EYS: variants seen among roughly 807,000 people sequenced by gnomAD.
EYS encodes protein eyes shut homolog.
Under a neutral mutation model 282.1 loss-of-function variants are expected in EYS, and 250 were observed. The observed-to-expected ratio is 0.89, with a 90% CI of 0.80 to 0.98. The LOEUF (loss-of-function observed/expected upper bound fraction) is 0.98, where lower values mean the gene tolerates loss of function less well. Ranked by LOEUF, EYS falls within the 50% of genes least tolerant of loss-of-function variation. The pLI is 0.00. For missense variants in EYS, 4,016 were observed against 3,709.0 expected (o/e 1.08, Z -2.15); for synonymous variants, 1,355 against 1,282.9 (o/e 1.06, Z -1.20).
chr6:64,600,488 A>G (rs1766730082), intron 24 of EYS, among the ~76,000 whole-genome samples: 1 of 152,186 alleles, frequency 6.6e-6, no homozygotes, highest in South Asian at 2.1e-4. Context: ...CAAAACATGT[A>G]ATATTGAGAT....
At chr6:65,431,309 T>C (rs935825930) in intron 5 of EYS, among the ~76,000 whole-genome samples, 3 of 152,160 alleles carry the variant, frequency 2.0e-5, no homozygotes, top group South Asian at 2.1e-4. Flanking sequence ...CTTGGGTTGG[T>C]ACTTCTCAAT....
At chr6:64,090,750 T>C (rs1332179033) in intron 31 of EYS, among the ~76,000 whole-genome samples, 1 of 152,098 alleles carries the variant, frequency 6.6e-6, no homozygotes, top group African/African-American at 2.4e-5. Context: ...TCCAAACTTC[T>C]TCCTTTGTTC....
chr6:64,107,857 T>G (rs1773084125), intron 31 of EYS, among the ~76,000 whole-genome samples: 1 of 152,088 alleles, frequency 6.6e-6, no homozygotes, highest in Non-Finnish European at 1.5e-5. Flanking sequence ...ATCTTTTGGA[T>G]AGCCGGTGTC....
chr6:65,447,330 G>A (rs370288861), intron 5 of EYS, among the ~76,000 whole-genome samples: 3 of 84,074 alleles, frequency 3.6e-5, no homozygotes, highest in Non-Finnish European at 5.3e-5. Context: ...ATATATGTGT[G>A]TGTATATATA....
intron 8 of EYS, among the ~76,000 whole-genome samples, chr6:65,366,793 AG>A (rs1259498297): frequency 3.3e-5 from 5 of 151,452 alleles, no homozygotes; most frequent in African/African-American, 9.7e-5. Context: ...GCAGGTTCTG[AG>A]GGGGAAATCT....
intron 31 of EYS, among the ~76,000 whole-genome samples, chr6:64,083,524 A>C (rs1027121778): frequency 1.3e-5 from 2 of 152,020 alleles, no homozygotes; most frequent in African/African-American, 4.8e-5. Context: ...TCCAGCTTTG[A>C]ATGGGGAGAA....
rs200824749 is a variant in EYS at position 65,405,386 on chromosome 6, A to AAG, written c.863-21_863-20dup. 187 of 1,526,914 alleles carry AAG rather than the reference A, an allele frequency of 1.2e-4. No homozygotes were observed. Among genetic ancestry groups the AAG allele is most frequent in the Non-Finnish European group, 1.6e-4 (179 of 1,123,480 alleles). 94.6% of individuals were successfully genotyped at this position (1,526,914 alleles called of 1,614,324 possible). A position where few individuals can be genotyped will look rare whatever the true frequency, so the allele number is the denominator to read the frequency against. On this transcript the variant is annotated intron_variant, in intron 5 of 42. Coordinates refer to ENST00000503581, the MANE Select transcript of EYS (RefSeq NM_001142800.2). ...AATGGACCTTAAAAAAATCACACAC[A>AAG]AGAAAAAAAAAGAAAAGGAAGGAAG...
intron 29 of EYS, among the ~76,000 whole-genome samples, chr6:64,308,203 T>C (rs569112305): frequency 6.6e-6 from 1 of 152,178 alleles, no homozygotes; most frequent in East Asian, 1.9e-4. Context: ...GTGATATATT[T>C]TACATGCCTT....
At chr6:64,263,688 C>A (rs1426388317) in intron 30 of EYS, among the ~76,000 whole-genome samples, 10 of 152,026 alleles carry the variant, frequency 6.6e-5, no homozygotes, top group Non-Finnish European at 1.3e-4. Context: ...CAGGATATGG[C>A]GATTTCTCTT....
At chr6:65,389,444 C>A (rs78764492) in intron 7 of EYS, among the ~76,000 whole-genome samples, 8,145 of 152,184 alleles carry the variant, frequency 0.054, 306 homozygotes, top group African/African-American at 0.1. Context: ...TTCAAATCTC[C>A]GCCAAAATAT....
chr6:64,836,898 G>T (rs1018916997), intron 19 of EYS, among the ~76,000 whole-genome samples: 3 of 151,536 alleles, frequency 2.0e-5, no homozygotes, highest in African/African-American at 7.3e-5. Flanking sequence ...TGAGACATTG[G>T]AAAATATATA....
At chr6:65,331,344 G>C in intron 11 of EYS, 2 of 710,000 alleles carry the variant, frequency 2.8e-6, no homozygotes, top group Non-Finnish European at 3.5e-6. Context: ...GTGGTATATA[G>C]AGGGTCTTTT....
chr6:64,634,652 A>G (rs955546345), intron 22 of EYS, among the ~76,000 whole-genome samples: 7 of 152,168 alleles, frequency 4.6e-5, no homozygotes, highest in African/African-American at 1.7e-4. Flanking sequence ...TGAGATGAAA[A>G]GCATTAAAAA....
At chr6:64,331,104 G>A (rs1013695052) in intron 29 of EYS, among the ~76,000 whole-genome samples, 21 of 152,278 alleles carry the variant, frequency 1.4e-4, no homozygotes, top group Middle Eastern at 6.8e-3. Flanking sequence ...TCTGCTGGTC[G>A]GAACTTCGGC....
rs193226840 is a variant in EYS, at chr6:63,950,015, T to C, written c.7055+34368A>G. Among the ~76,000 whole-genome samples the C allele has an allele frequency of 5.1e-4, 77 of 151,918 alleles. 4 individuals are homozygous for C. The highest frequency in any genetic ancestry group is 5.1e-3 in the Admixed American group (77 of 15,246). On this transcript the variant is annotated intron_variant, in intron 35 of 42. Transcript: ENST00000503581. ...GGTGAAACCTCATCTCTACTAAAAATACAAAAAATTAGCCGGGCGTGGTGG... is the reference window on the plus strand; with the variant it reads ...GGTGAAACCTCATCTCTACTAAAAACACAAAAAATTAGCCGGGCGTGGTGG...
At chr6:64,257,260 T>C (rs1767432791) in intron 30 of EYS, among the ~76,000 whole-genome samples, 1 of 152,080 alleles carries the variant, frequency 6.6e-6, no homozygotes, top group Non-Finnish European at 1.5e-5. Context: ...GTAAATTTAA[T>C]TTTTAAAACA....
intron 2 of EYS, among the ~76,000 whole-genome samples, chr6:65,498,340 G>A: frequency 6.6e-6 from 1 of 152,148 alleles, no homozygotes; most frequent in East Asian, 1.9e-4. Flanking sequence ...ACCTGCACAG[G>A]TGTATTATTT....
At chr6:65,096,466 T>A (rs1183246236) in intron 12 of EYS, among the ~76,000 whole-genome samples, 4 of 150,904 alleles carry the variant, frequency 2.7e-5, no homozygotes, top group African/African-American at 9.7e-5. Context: ...AATCCCACTG[T>A]CACTTTTTAC....
chr6:63,774,119 C>T (rs1191279857), intron 40 of EYS, among the ~76,000 whole-genome samples: 1 of 151,968 alleles, frequency 6.6e-6, no homozygotes, highest in East Asian at 1.9e-4. Context: ...GTCTGTGCCA[C>T]TCATTTTAAC....
Sources: allele counts gnomAD v4.1 joint callset (sites outside exome capture counted in the v4.1 genomes callset), GRCh38; gene constraint gnomAD v4.1.1; transcripts MANE v1.5; gene names NCBI Gene and HGNC (gene_info 2026-07-23, HGNC 2026-07-21).